PTPRD: variants seen among roughly 807,000 people sequenced by gnomAD.
The protein encoded by PTPRD is protein tyrosine phosphatase receptor type D, also known as receptor-type tyrosine-protein phosphatase delta.
In PTPRD, 34 loss-of-function variants were observed where a neutral mutation model predicts 214.5. That is an observed-to-expected ratio of 0.16 (90% confidence interval 0.12 to 0.21). PTPRD has a LOEUF of 0.21. Among genes scored for constraint, PTPRD ranks in the 10% least tolerant of loss-of-function variants. The pLI, the probability that PTPRD is intolerant of heterozygous loss-of-function variation, is 1.00. For missense variants in PTPRD, 2,545 were observed against 2,398.7 expected (o/e 1.06, Z -1.27); for synonymous variants, 1,128 against 845.7 (o/e 1.33, Z -5.79).
At chr9:10,251,009 A>T (rs1262204946) in intron 3 of PTPRD, among the ~76,000 whole-genome samples, 1 of 152,098 alleles carries the variant, frequency 6.6e-6, no homozygotes, top group Non-Finnish European at 1.5e-5. Context: ...TGTTTATGTT[A>T]TCATTTGTAA....
At chr9:9,561,591 C>G (rs1042344646) in intron 8 of PTPRD, among the ~76,000 whole-genome samples, 1 of 152,156 alleles carries the variant, frequency 6.6e-6, no homozygotes, top group Admixed American at 6.5e-5. Context: ...TAGCCTCTCT[C>G]TATTTTCAGA....
chr9:8,343,077 C>T (rs1424843131), intron 39 of PTPRD, among the ~76,000 whole-genome samples: 1 of 152,046 alleles, frequency 6.6e-6, no homozygotes. Context: ...TTAATGCTCA[C>T]CAGGGTGCCT....
chr9:8,404,705 A>C (rs1589610759), intron 35 of PTPRD, 45 bp from the exon 36 acceptor site: 1 of 1,568,760 alleles, frequency 6.4e-7, no homozygotes, highest in Non-Finnish European at 8.7e-7. Context: ...AATACTGAAA[A>C]CCACCAGATT....
intron 3 of PTPRD, among the ~76,000 whole-genome samples, chr9:10,324,302 C>T (rs1445936582): frequency 1.3e-5 from 2 of 152,004 alleles, no homozygotes; most frequent in Non-Finnish European, 2.9e-5. Context: ...AGTATCAATG[C>T]AGATATTAAT....
chr9:9,769,317 CTTTTTTTTTTT>C (rs34497562), intron 5 of PTPRD, among the ~76,000 whole-genome samples: 1 of 69,594 alleles, frequency 1.4e-5, no homozygotes, highest in African/African-American at 5.8e-5. Flanking sequence ...ACCAGAAGCC[CTTTTTTTTTTT>C]TTTTTTTTTT....
At chr9:9,605,547 TG>T (rs1158397415) in intron 7 of PTPRD, among the ~76,000 whole-genome samples, 1 of 152,084 alleles carries the variant, frequency 6.6e-6, no homozygotes, top group Non-Finnish European at 1.5e-5. Context: ...CTATATGGTT[TG>T]CTAATGATTT....
intron 3 of PTPRD, among the ~76,000 whole-genome samples, chr9:10,037,595 A>C (rs1459830148): frequency 6.6e-6 from 1 of 152,016 alleles, no homozygotes; most frequent in Non-Finnish European, 1.5e-5. Context: ...AAAAAAAAAA[A>C]AAAACAAGCT....
intron 43 of PTPRD, among the ~76,000 whole-genome samples, chr9:8,332,162 AATAAATAT>A (rs1842082850): frequency 6.6e-6 from 1 of 152,192 alleles, no homozygotes; most frequent in Non-Finnish European, 1.5e-5. Flanking sequence ...ATTACTTTGT[AATAAATAT>A]TGAAACAAGC....
intron 7 of PTPRD, among the ~76,000 whole-genome samples, chr9:9,605,853 A>G (rs920727298): frequency 2.6e-5 from 4 of 152,094 alleles, no homozygotes; most frequent in South Asian, 2.1e-4. Flanking sequence ...CGAATTTCCA[A>G]CGATAACGGA....
At chr9:9,857,565 T>C (rs2061794935) in intron 5 of PTPRD, among the ~76,000 whole-genome samples, 1 of 142,098 alleles carries the variant, frequency 7.0e-6, no homozygotes, top group African/African-American at 2.6e-5. Context: ...CTGCTGATAA[T>C]AAATAAATAA....
At chr9:10,336,987 A>G (rs1306461525) in intron 3 of PTPRD, among the ~76,000 whole-genome samples, 1 of 151,624 alleles carries the variant, frequency 6.6e-6, no homozygotes, top group African/African-American at 2.4e-5. Context: ...GTAGTCAAGG[A>G]GCCATCTGAC....
At chr9:10,491,529 T>C (rs528013690) in intron 2 of PTPRD, among the ~76,000 whole-genome samples, 2 of 151,758 alleles carry the variant, frequency 1.3e-5, no homozygotes, top group South Asian at 2.1e-4. Flanking sequence ...GCCTACAAGA[T>C]GAACAAAAAA....
At chr9:8,883,788 C>A (rs1280087941) in intron 11 of PTPRD, among the ~76,000 whole-genome samples, 1 of 152,190 alleles carries the variant, frequency 6.6e-6, no homozygotes, top group Non-Finnish European at 1.5e-5. Flanking sequence ...CCATTCCCAA[C>A]CCAGATCTAA....
At chr9:8,535,798 C>G (rs1429852362) in intron 14 of PTPRD, among the ~76,000 whole-genome samples, 1 of 151,946 alleles carries the variant, frequency 6.6e-6, no homozygotes, top group Non-Finnish European at 1.5e-5. Flanking sequence ...AGAAACACCT[C>G]TGTACAAAGT....
At chr9:10,132,230 G>A (rs571695796) in intron 3 of PTPRD, among the ~76,000 whole-genome samples, 1 of 152,102 alleles carries the variant, frequency 6.6e-6, no homozygotes, top group Non-Finnish European at 1.5e-5. Flanking sequence ...AGACTTTCCA[G>A]AAATTATAAG....
chr9:9,050,349 T>C (rs145886939), intron 10 of PTPRD, among the ~76,000 whole-genome samples: 12 of 152,308 alleles, frequency 7.9e-5, no homozygotes, highest in African/African-American at 2.4e-4. Context: ...CCATAAGGCA[T>C]GGAGAAAACG....
intron 33 of PTPRD, among the ~76,000 whole-genome samples, chr9:8,452,178 G>T (rs1276289351): frequency 6.6e-6 from 1 of 152,176 alleles, no homozygotes; most frequent in South Asian, 2.1e-4. Flanking sequence ...TTATTTCCAA[G>T]ACCTCAGACT....
chr9:9,849,405 C>A (rs1197563433), intron 5 of PTPRD, among the ~76,000 whole-genome samples: 1 of 152,012 alleles, frequency 6.6e-6, no homozygotes, highest in African/African-American at 2.4e-5. Flanking sequence ...AGTTTTTACA[C>A]AAAAGCTACT....
chr9:10,564,168 A>ATTCTTTTTTTTTTTTTT (rs2064907689), intron 2 of PTPRD, among the ~76,000 whole-genome samples: 1 of 11,880 alleles, frequency 8.4e-5, no homozygotes, highest in African/African-American at 2.7e-4. Flanking sequence ...ACACTAGGCT[A>ATTCTTTTTTTTTTTTTT]TTCTTTTTTT....
Sources: allele counts gnomAD v4.1 joint callset (sites outside exome capture counted in the v4.1 genomes callset), GRCh38; gene constraint gnomAD v4.1.1; transcripts MANE v1.5; gene names NCBI Gene and HGNC (gene_info 2026-07-23, HGNC 2026-07-21).